SEMA6D: variants seen among roughly 807,000 people sequenced by gnomAD.
The protein encoded by SEMA6D is semaphorin 6D.
In SEMA6D, 35 loss-of-function variants were observed where a neutral mutation model predicts 106.6. That is an observed-to-expected ratio of 0.33 (90% CI 0.25 to 0.44). The LOEUF is 0.44. Ranked by LOEUF, SEMA6D falls within the 20% of genes least tolerant of loss-of-function variation. SEMA6D has a pLI of 1.00. For synonymous variants in SEMA6D, 499 were observed against 487.7 expected (o/e 1.02, Z -0.31); for missense variants, 1,185 against 1,345.9 (o/e 0.88, Z 1.87).
Position 47,497,949 on chromosome 15 carries a change from A to C in SEMA6D, c.-87+27404A>C, listed in dbSNP as rs564160828. Among the ~76,000 whole-genome samples the C allele has an allele frequency of 1.4e-4, 21 of 152,166 alleles. No individual in the cohort carries two copies. In the South Asian group the frequency reaches 4.4e-3, roughly 32 times the overall value. On this transcript the variant is annotated intron_variant, in intron 3 of 19. Transcript: ENST00000558014. ...GCAAACACTACATCAGGACCTCAGC[A>C]TTTCCCATAGGAACCATTACACAAT...
intron 4 of SEMA6D, among the ~76,000 whole-genome samples, chr15:47,683,345 A>T (rs192696558): frequency 4.6e-5 from 7 of 152,332 alleles, no homozygotes; most frequent in Non-Finnish European, 4.4e-5. Context: ...TTCATTTAGA[A>T]TAATGGCCTC....
chr15:47,434,282 G>A (rs900809014), intron 2 of SEMA6D, among the ~76,000 whole-genome samples: 2 of 152,208 alleles, frequency 1.3e-5, no homozygotes, highest in South Asian at 2.1e-4. Context: ...AAATGAGCAG[G>A]AAGGAAGCAG....
intron 1 of SEMA6D, among the ~76,000 whole-genome samples, chr15:47,362,536 T>C (rs1222086977): frequency 2.6e-5 from 4 of 152,200 alleles, no homozygotes; most frequent in Non-Finnish European, 1.5e-5. Context: ...TGATGCCTGC[T>C]GACTACACCT....
chr15:47,225,197 A>T (rs1015029107), intron 1 of SEMA6D, among the ~76,000 whole-genome samples: 2 of 151,988 alleles, frequency 1.3e-5, no homozygotes, highest in Admixed American at 1.3e-4. Context: ...TTCTTAGCAG[A>T]TGGTAAGAGT....
At chr15:47,494,069 A>G (rs1262319361) in intron 3 of SEMA6D, among the ~76,000 whole-genome samples, 2 of 152,092 alleles carry the variant, frequency 1.3e-5, no homozygotes, top group East Asian at 1.9e-4. Context: ...AAAAGCAAAG[A>G]AGCTTCCCAC....
At chr15:47,298,047 C>T (rs1024037444) in intron 1 of SEMA6D, among the ~76,000 whole-genome samples, 5 of 151,970 alleles carry the variant, frequency 3.3e-5, no homozygotes, top group African/African-American at 9.7e-5. Context: ...TAAAGTGTAA[C>T]GTAAGTAAAA....
intron 1 of SEMA6D, among the ~76,000 whole-genome samples, chr15:47,724,262 G>T (rs2146421039): frequency 6.6e-6 from 1 of 152,366 alleles, no homozygotes; most frequent in African/African-American, 2.4e-5. Context: ...ACTAACATTT[G>T]TTCATTCAGC....
intron 1 of SEMA6D, among the ~76,000 whole-genome samples, chr15:47,379,258 A>G (rs1289295994): frequency 6.6e-6 from 1 of 152,230 alleles, no homozygotes; most frequent in African/African-American, 2.4e-5. Flanking sequence ...GCCTTCCTCA[A>G]AACTGGGATT....
At chr15:47,189,456 GA>G (rs1317609235) in intron 1 of SEMA6D, among the ~76,000 whole-genome samples, 1 of 151,910 alleles carries the variant, frequency 6.6e-6, no homozygotes, top group Non-Finnish European at 1.5e-5. Context: ...TTTGACTGTA[GA>G]AAAACTCAGG....
At chr15:47,694,860 A>G (rs1217477361) in intron 4 of SEMA6D, among the ~76,000 whole-genome samples, 1 of 152,164 alleles carries the variant, frequency 6.6e-6, no homozygotes, top group East Asian at 1.9e-4. Context: ...TAATTAAAAT[A>G]CATCTGTGTC....
chr15:47,521,867 C>G (rs1242068476), intron 3 of SEMA6D, among the ~76,000 whole-genome samples: 1 of 152,014 alleles, frequency 6.6e-6, no homozygotes, highest in Non-Finnish European at 1.5e-5. Context: ...CGCCTGTAGT[C>G]CCAGCTACTC....
chr15:47,755,596 A>T (rs9989343), intron 1 of SEMA6D, among the ~76,000 whole-genome samples: 5,013 of 152,034 alleles, frequency 0.033, 292 homozygotes, highest in African/African-American at 0.11. Context: ...GACTTAGCTT[A>T]TTGGATTGGA....
chr15:47,692,621 G>C (rs564307019), intron 4 of SEMA6D, among the ~76,000 whole-genome samples: 4 of 152,314 alleles, frequency 2.6e-5, no homozygotes, highest in African/African-American at 9.6e-5. Flanking sequence ...AAGCAAAGCA[G>C]ACTCATGTAA....
intron 1 of SEMA6D, among the ~76,000 whole-genome samples, chr15:47,390,497 G>T (rs2039988851): frequency 6.6e-6 from 1 of 152,070 alleles, no homozygotes; most frequent in African/African-American, 2.4e-5. Context: ...GTGAATATTT[G>T]CCTAAAAGTA....
At position 47,306,323 on chromosome 15, in the gene SEMA6D, G is replaced by A. The variant is rs965068205; in HGVS notation, c.-238-106070G>A. ...TTCTAGCTGGCTCTGGTATTAAGGG[G>A]CTTTGCAAGGAATTTTTTTCTTTCC... On this transcript the variant is annotated intron_variant, in intron 1 of 19. Transcript: ENST00000558014. Among the ~76,000 whole-genome samples, 5 of 152,074 alleles carry A rather than the reference G, an allele frequency of 3.3e-5. No individual in the cohort carries two copies. The East Asian group carries it at 9.7e-4, about 29-fold the overall frequency.
At chr15:47,318,916 C>G (rs1402169130) in intron 1 of SEMA6D, among the ~76,000 whole-genome samples, 1 of 151,964 alleles carries the variant, frequency 6.6e-6, no homozygotes, top group Non-Finnish European at 1.5e-5. Flanking sequence ...TCTCCACATC[C>G]TCTCCAGCAC....
chr15:47,768,806 A>C, intron 18 of SEMA6D, 58 bp downstream of exon 18: 14 of 1,526,032 alleles, frequency 9.2e-6, no homozygotes, highest in Non-Finnish European at 1.2e-5. Context: ...CCTTAATGTC[A>C]CTGAGGAGTA....
intron 2 of SEMA6D, among the ~76,000 whole-genome samples, chr15:47,426,025 G>A (rs1365631647): frequency 6.6e-6 from 1 of 152,072 alleles, no homozygotes; most frequent in African/African-American, 2.4e-5. Context: ...ACACTCCTTA[G>A]TTATGCTCTA....
chr15:47,532,732 G>C (rs1270114400), intron 3 of SEMA6D, among the ~76,000 whole-genome samples: 1 of 152,144 alleles, frequency 6.6e-6, no homozygotes, highest in Non-Finnish European at 1.5e-5. Context: ...ATCCTTCAAG[G>C]CTGCTATTGA....
Sources: gnomAD v4.1 joint callset for allele counts (sites outside exome capture counted in the v4.1 genomes callset) on GRCh38, gnomAD v4.1.1 for gene constraint, MANE v1.5 for transcripts, NCBI Gene and HGNC (gene_info 2026-07-23, HGNC 2026-07-21) for gene names.